Variants in IQCK observed in about 807,000 individuals in gnomAD.
The protein encoded by IQCK is IQ domain-containing protein K.
A neutral mutation model predicts 28.1 loss-of-function variants in IQCK; 29 were observed. That is an observed-to-expected ratio of 1.03 (90% confidence interval 0.77 to 1.41). The LOEUF (loss-of-function observed/expected upper bound fraction) is 1.41. Among genes scored for constraint, IQCK ranks in the 40% most tolerant of loss-of-function variants. The probability of loss-of-function intolerance (pLI) is 0.00; values close to 1 mark genes in which losing one functional copy is unlikely to be tolerated. For missense variants in IQCK, 359 were observed against 314.7 expected, an observed-to-expected ratio of 1.14 and a Z score of -1.07; for synonymous variants, 113 against 115.1, an observed-to-expected ratio of 0.98 and a Z score of 0.12.
exon 4 of IQCK, chr16:19,735,358 C>T (rs1977979139): frequency 6.2e-7 from 1 of 1,612,618 alleles, no homozygotes; most frequent in Non-Finnish European, 8.5e-7. Flanking sequence ...TTTAGGTTCT[C>T]CCAAAGAATA....
At chr16:19,822,651 G>A (rs1190339249) in intron 7 of IQCK, among the ~76,000 whole-genome samples, 2 of 152,138 alleles carry the variant, frequency 1.3e-5, no homozygotes, top group African/African-American at 2.4e-5. Context: ...AGGCTATGGA[G>A]ACTACAGTAG....
chr16:19,853,149 CAGACT>C (rs2056508208), intron 9 of IQCK, among the ~76,000 whole-genome samples: 1 of 152,030 alleles, frequency 6.6e-6, no homozygotes, highest in African/African-American at 2.4e-5. Flanking sequence ...TATTCACTGT[CAGACT>C]CAGTTCCATT....
chr16:19,760,044 G>A (rs2055114253), intron 4 of IQCK, among the ~76,000 whole-genome samples: 1 of 152,066 alleles, frequency 6.6e-6, no homozygotes. Context: ...CAGAAGGATT[G>A]CTTGAGCCCA....
At chr16:19,722,204 C>G (rs1383166219) in intron 1 of IQCK, among the ~76,000 whole-genome samples, 1 of 152,164 alleles carries the variant, frequency 6.6e-6, no homozygotes, top group Non-Finnish European at 1.5e-5. Flanking sequence ...TCTGTGATAC[C>G]TCTTAGCATA....
downstream of IQCK, among the ~76,000 whole-genome samples, chr16:19,830,300 GTAT>G (rs1234117961): frequency 3.3e-5 from 5 of 152,198 alleles, no homozygotes; most frequent in Non-Finnish European, 7.3e-5. Context: ...CTGTTGGTCT[GTAT>G]TCTTTGGATT....
intron 4 of IQCK, 139 bp from the exon 5 acceptor site, chr16:19,763,708 GC>G (rs2055184902): frequency 3.0e-6 from 2 of 656,318 alleles, no homozygotes; most frequent in Non-Finnish European, 5.4e-6. Context: ...CTCCCAAAGT[GC>G]TGGGATTACA....
intron 1 of IQCK, among the ~76,000 whole-genome samples, chr16:19,719,596 A>G (rs1977414281): frequency 6.6e-6 from 1 of 151,972 alleles, no homozygotes; most frequent in Non-Finnish European, 1.5e-5. Context: ...TCCCCAAAAA[A>G]AAAAAAGTGT....
intron 3 of IQCK, 97 bp from the exon 4 acceptor site, chr16:19,735,256 G>GT (rs1977974594): frequency 1.2e-6 from 1 of 806,130 alleles, no homozygotes; most frequent in East Asian, 2.5e-5. Context: ...GTGATTGAAT[G>GT]GACAGTACCT....
chr16:19,737,505 C>A (rs1237176218), intron 4 of IQCK, among the ~76,000 whole-genome samples: 1 of 152,146 alleles, frequency 6.6e-6, no homozygotes, highest in African/African-American at 2.4e-5. Flanking sequence ...ACAGGCGTCA[C>A]CATGACAGTT....
Position 19,752,751 on chromosome 16 carries a change from A to T in IQCK, c.475-11097A>T, listed in dbSNP as rs192244260. 5.5e-4 allele frequency among the ~76,000 whole-genome samples: 83 copies of T among 152,180 alleles called. 1 individual carries two copies. The highest frequency in any genetic ancestry group is 6.8e-3 in the Middle Eastern group (2 of 294). ...GCTAGTTTTTGTATTTTTTGTAGAGATGGGGCTTTGCCATGTTGGCCAGGC... is the reference window on the plus strand; with the variant it reads ...GCTAGTTTTTGTATTTTTTGTAGAGTTGGGGCTTTGCCATGTTGGCCAGGC... On this transcript the variant is annotated intron_variant, in intron 4 of 7. Transcript: ENST00000564186.
chr16:19,830,866 CT>C (rs1458843775), downstream of IQCK, among the ~76,000 whole-genome samples: 3 of 152,134 alleles, frequency 2.0e-5, no homozygotes, highest in Non-Finnish European at 4.4e-5. Flanking sequence ...AGAACAAGTC[CT>C]GGCACATAGT....
intron 6 of IQCK, among the ~76,000 whole-genome samples, chr16:19,783,997 C>T (rs968692422): frequency 3.4e-5 from 5 of 146,146 alleles, no homozygotes; most frequent in African/African-American, 1.3e-4. Flanking sequence ...TTCATGACAT[C>T]GGTTGTGAAA....
At chr16:19,721,778 A>G (rs1304208369) in intron 1 of IQCK, among the ~76,000 whole-genome samples, 1 of 151,992 alleles carries the variant, frequency 6.6e-6, no homozygotes, top group East Asian at 1.9e-4. Flanking sequence ...GGGTTTTGCC[A>G]TGTTGGCCAA....
chr16:19,757,911 C>T lies in IQCK; in HGVS notation c.475-5937C>T, dbSNP rs145418362. 7.0e-3 allele frequency among the ~76,000 whole-genome samples: 1,064 copies of T among 152,248 alleles called. 10 individuals are homozygous for T. The highest frequency in any genetic ancestry group is 0.024 in the African/African-American group (995 of 41,548). Reference sequence around the variant, plus strand: ...AATCCATCCCTCTATTCATTCATCTCGGTTTTTTGGATGCATTTCAGAGTA... The same window carrying T: ...AATCCATCCCTCTATTCATTCATCTTGGTTTTTTGGATGCATTTCAGAGTA... On this transcript the variant is annotated intron_variant, in intron 4 of 7. Coordinates refer to ENST00000564186, the Ensembl canonical transcript of IQCK.
In IQCK at chr16:19,762,530, T is replaced by C. The variant is rs183170124; in HGVS notation, c.475-1318T>C. Reference sequence around the variant, plus strand: ...TGAAAGAGGACTAAAGAAATGTCTTTGGAATTCTTTGCCCAAGTTACTGTT... The same window carrying C: ...TGAAAGAGGACTAAAGAAATGTCTTCGGAATTCTTTGCCCAAGTTACTGTT... On this transcript the variant is annotated intron_variant, in intron 4 of 7. Coordinates refer to ENST00000564186, the Ensembl canonical transcript of IQCK. Among the ~76,000 whole-genome samples, 489 of 152,324 alleles carry C rather than the reference T, an allele frequency of 3.2e-3. 8 individuals carry two copies. Among genetic ancestry groups the C allele is most frequent in the East Asian group, 1.3e-3 (7 of 5,194 alleles).
chr16:19,841,436 T>C (rs569464787), intron 9 of IQCK, among the ~76,000 whole-genome samples: 7 of 152,290 alleles, frequency 4.6e-5, no homozygotes, highest in African/African-American at 7.2e-5. Flanking sequence ...CAGCTAATAA[T>C]AGTAGAAAGA....
At chr16:19,830,402 G>C (rs766326672), downstream of IQCK, among the ~76,000 whole-genome samples, 1 of 152,228 alleles carries the variant, frequency 6.6e-6, no homozygotes, top group Non-Finnish European at 1.5e-5. Flanking sequence ...GCCTGCAGCA[G>C]AGGGGCTGGA....
At chr16:19,853,288 G>C (rs1349108380) in intron 9 of IQCK, among the ~76,000 whole-genome samples, 4 of 152,094 alleles carry the variant, frequency 2.6e-5, no homozygotes, top group Non-Finnish European at 5.9e-5. Context: ...TTGATTTCCA[G>C]CCCGTCAACT....
chr16:19,724,495 G>A lies in IQCK; in HGVS notation c.182-5935G>A, dbSNP rs567970348. 2.6e-5 allele frequency among the ~76,000 whole-genome samples: 4 copies of A among 152,100 alleles called. No individual in the cohort carries two copies. In the East Asian group the frequency reaches 7.7e-4, roughly 29 times the overall value. ...TTCCATCCCCTTCCAATAAGCTACT[G>A]TGGGTCAATGCTACATTTTTGTTGT... is the stretch of plus-strand genomic sequence containing the variant. On this transcript the variant is annotated intron_variant, in intron 1 of 7. Transcript: ENST00000564186.
Sources: gnomAD v4.1 joint callset for allele counts (sites outside exome capture counted in the v4.1 genomes callset) on GRCh38, gnomAD v4.1.1 for gene constraint, MANE v1.5 for transcripts, NCBI Gene and HGNC (gene_info 2026-07-23, HGNC 2026-07-21) for gene names.